The following NBEA variants were observed in gnomAD, a reference collection of about 807,000 sequenced individuals.
The protein encoded by NBEA is neurobeachin.
In NBEA, 44 loss-of-function variants were observed where a neutral mutation model predicts 343.4. The observed-to-expected ratio is 0.13, with a 90% confidence interval of 0.10 to 0.16. The LOEUF (loss-of-function observed/expected upper bound fraction) is 0.16, where lower values mean the gene tolerates loss of function less well. Ranked by LOEUF, NBEA falls within the 10% of genes least tolerant of loss-of-function variation. The probability of loss-of-function intolerance (pLI) is 1.00; values close to 1 mark genes in which losing one functional copy is unlikely to be tolerated. For synonymous variants in NBEA, 1,175 were observed against 1,238.7 expected (o/e 0.95, Z 1.08); for missense variants, 2,555 against 3,631.3 (o/e 0.70, Z 7.62).
At chr13:35,288,026 A>T (rs1376528810) in intron 34 of NBEA, among the ~76,000 whole-genome samples, 1 of 152,048 alleles carries the variant, frequency 6.6e-6, no homozygotes, top group Non-Finnish European at 1.5e-5. Context: ...ATAACTTATT[A>T]CTGTAAACTC....
chr13:35,000,584 AAT>A (rs2061095221), intron 1 of NBEA, among the ~76,000 whole-genome samples: 2 of 64,330 alleles, frequency 3.1e-5, no homozygotes, highest in South Asian at 1.3e-3. Flanking sequence ...ATATATTTAT[AAT>A]ATATATAACA....
chr13:35,413,681 T>C (rs1296633469), intron 38 of NBEA, among the ~76,000 whole-genome samples: 1 of 152,182 alleles, frequency 6.6e-6, no homozygotes, highest in Non-Finnish European at 1.5e-5. Flanking sequence ...GTAATATTAA[T>C]TATCATAATA....
In NBEA at chr13:34,974,978, T is replaced by C. The variant is rs187124651; in HGVS notation, c.294+31864T>C. 3.6e-3 allele frequency among the ~76,000 whole-genome samples: 541 copies of C among 152,296 alleles called. 1 individual carries two copies. Among genetic ancestry groups the C allele is most frequent in the Non-Finnish European group, 5.8e-3 (397 of 68,034 alleles). ...TTCACAATTTTTACCCGGTAGTAGCTCATGCATGAGGCTAAGCATGTAGTC... is the reference window on the plus strand; with the variant it reads ...TTCACAATTTTTACCCGGTAGTAGCCCATGCATGAGGCTAAGCATGTAGTC... On this transcript the variant is annotated intron_variant, in intron 1 of 58. Coordinates refer to ENST00000379939, the MANE Select transcript of NBEA (RefSeq NM_001385012.1).
intron 48 of NBEA, among the ~76,000 whole-genome samples, chr13:35,624,175 A>C (rs1462850332): frequency 1.3e-5 from 2 of 152,032 alleles, no homozygotes; most frequent in East Asian, 3.9e-4. Flanking sequence ...ATAGTTCTTA[A>C]GGCTAAGAAC....
At chr13:35,267,024 G>A (rs925068698) in intron 34 of NBEA, among the ~76,000 whole-genome samples, 2 of 151,918 alleles carry the variant, frequency 1.3e-5, no homozygotes, top group Admixed American at 1.3e-4. Flanking sequence ...TTATAAGGAA[G>A]AGAAAATATA....
At chr13:35,277,572 G>A (rs928380949) in intron 34 of NBEA, among the ~76,000 whole-genome samples, 2 of 124,448 alleles carry the variant, frequency 1.6e-5, no homozygotes, top group Non-Finnish European at 3.2e-5. Context: ...AGTCAGCTGA[G>A]ATCGCACCAT....
intron 18 of NBEA, among the ~76,000 whole-genome samples, chr13:35,149,196 A>C (rs565456629): frequency 1.2e-4 from 18 of 152,300 alleles, no homozygotes; most frequent in African/African-American, 4.3e-4. Flanking sequence ...AATATTTGGC[A>C]TGCAGAACTG....
At chr13:35,608,352 CTT>C (rs2082369052) in intron 48 of NBEA, among the ~76,000 whole-genome samples, 1 of 152,138 alleles carries the variant, frequency 6.6e-6, no homozygotes, top group South Asian at 2.1e-4. Flanking sequence ...ATGTGAATGA[CTT>C]ATATTTCAGT....
At chr13:35,353,839 C>T (rs2040338667) in intron 38 of NBEA, among the ~76,000 whole-genome samples, 1 of 152,150 alleles carries the variant, frequency 6.6e-6, no homozygotes, top group Non-Finnish European at 1.5e-5. Flanking sequence ...AGTCAGGATG[C>T]TCCAGAGATA....
In NBEA at chr13:35,164,466, G is replaced by A. The variant is rs1448346165; in HGVS notation, c.4190G>A (p.Cys1397Tyr). The A allele has an allele frequency of 6.2e-7, 1 of 1,611,028 alleles. No individual in the cohort carries two copies. The highest frequency in any genetic ancestry group is 8.5e-7 in the Non-Finnish European group (1 of 1,178,468). Residue 1397 changes from cysteine to tyrosine, a missense_variant, in exon 24 of 59, where the codon TGT becomes TAT. Physicochemically the swap from Cys to Tyr is radical, Grantham distance 194. This residue lies in a region of NBEA where 69 missense variants were observed against 128.8 expected (regional missense o/e 0.54). Coordinates refer to ENST00000379939, the MANE Select transcript of NBEA (RefSeq NM_001385012.1). ...SQMVDNIIIA[C>Y]GGILPLLSAA... ...ATGGTAGACAACATCATCATTGCTT[G>A]TGGAGGAATTTTACCTTTGCTCTCT...
chr13:34,962,629 A>T (rs1386172344), intron 1 of NBEA, among the ~76,000 whole-genome samples: 2 of 152,110 alleles, frequency 1.3e-5, no homozygotes, highest in Non-Finnish European at 2.9e-5. Context: ...TATTCCCAAC[A>T]TGTTTTTATA....
intron 53 of NBEA, among the ~76,000 whole-genome samples, chr13:35,652,378 C>G (rs1282818006): frequency 6.7e-6 from 1 of 150,164 alleles, no homozygotes; most frequent in South Asian, 2.1e-4. Context: ...TGGTGGCTCA[C>G]TCCTGTAATC....
At chr13:35,408,079 C>G (rs1754078205) in intron 38 of NBEA, among the ~76,000 whole-genome samples, 1 of 152,054 alleles carries the variant, frequency 6.6e-6, no homozygotes, top group Admixed American at 6.6e-5. Flanking sequence ...AATAATAAAG[C>G]TGGAGGCATC....
chr13:35,297,232 T>C (rs1195661564), intron 35 of NBEA, among the ~76,000 whole-genome samples: 1 of 152,078 alleles, frequency 6.6e-6, no homozygotes, highest in African/African-American at 2.4e-5. Flanking sequence ...TATTTCAAAC[T>C]CTTTTATTTC....
At chr13:35,355,524 A>G (rs1175734025) in intron 38 of NBEA, among the ~76,000 whole-genome samples, 1 of 152,204 alleles carries the variant, frequency 6.6e-6, no homozygotes. Flanking sequence ...CATAGTAGTT[A>G]TCACAGAACC....
chr13:35,165,789 A>G (rs568135063), intron 24 of NBEA, among the ~76,000 whole-genome samples: 141 of 151,546 alleles, frequency 9.3e-4, no homozygotes, highest in Non-Finnish European at 1.7e-3. Flanking sequence ...GGTTCAAGCA[A>G]TTCCTCTGCC....
intron 34 of NBEA, among the ~76,000 whole-genome samples, chr13:35,282,325 A>G (rs969329317): frequency 6.6e-6 from 1 of 152,156 alleles, no homozygotes; most frequent in Non-Finnish European, 1.5e-5. Context: ...TTGATTATTA[A>G]TATTTCTTGA....
At chr13:35,654,806 A>G (rs774291899) in intron 53 of NBEA, 49 bp from the exon 54 acceptor site, 1 of 1,491,416 alleles carries the variant, frequency 6.7e-7, no homozygotes, top group South Asian at 1.4e-5. Context: ...GTGCTTGGCA[A>G]AACTCATATG....
intron 38 of NBEA, among the ~76,000 whole-genome samples, chr13:35,363,907 C>G (rs2040956595): frequency 6.6e-6 from 1 of 151,850 alleles, no homozygotes; most frequent in Admixed American, 6.6e-5. Flanking sequence ...AGGAAAGAAT[C>G]AGGAATGTTG....
Sources: gnomAD v4.1 joint callset for allele counts (sites outside exome capture counted in the v4.1 genomes callset) on GRCh38, gnomAD v4.1.1 for gene constraint, gnomAD v4.1.1 regional missense constraint, MANE v1.5 for transcripts, NCBI Gene and HGNC (gene_info 2026-07-23, HGNC 2026-07-21) for gene names.